Variants in HCN2 observed in about 807,000 individuals in gnomAD.
The protein encoded by HCN2 is potassium/sodium hyperpolarization-activated cyclic nucleotide-gated channel 2.
HCN2 carries 20 observed loss-of-function variants against 52.3 expected under a neutral mutation model. That is an observed-to-expected ratio of 0.38 (90% CI 0.27 to 0.56). HCN2 has a LOEUF of 0.56. Ranked by LOEUF, HCN2 falls within the 20% of genes least tolerant of loss-of-function variation. The probability of loss-of-function intolerance (pLI) is 0.71; values close to 1 mark genes in which losing one functional copy is unlikely to be tolerated. For synonymous variants in HCN2, 694 were observed against 537.0 expected, an observed-to-expected ratio of 1.29 and a Z score of -4.04; for missense variants, 981 against 1,207.7, an observed-to-expected ratio of 0.81 and a Z score of 2.78.
At chr19:615,082 C>T (rs1425506409) in intron 7 of HCN2, among the ~76,000 whole-genome samples, 3 of 151,978 alleles carry the variant, frequency 2.0e-5, no homozygotes, top group Non-Finnish European at 4.4e-5. Flanking sequence ...TCAGCACAGG[C>T]TGTGTACAGG....
rs1334751311 is a variant in HCN2, at chr19:590,405, G to C, written c.460G>C (p.Glu154Gln). 7.4e-7 allele frequency: 1 copy of C among 1,348,432 alleles called. No individual in the cohort carries two copies. Among genetic ancestry groups the C allele is most frequent in the Admixed American group, 2.5e-5 (1 of 39,704 alleles). 83.5% of individuals were successfully genotyped at this position (1,348,432 alleles called of 1,614,324 possible). ...AGSEEAGPAG[E>Q]PRGSQASFMQ... ...CAGCGAGGAGGCGGGCCCGGCGGGG[G>C]AGCCGCGCGGCAGCCAGGCCAGCTT... Residue 154 changes from glutamate to glutamine, a missense_variant, in exon 1 of 8, where the codon GAG becomes CAG. Glu to Gln is a conservative substitution (Grantham distance 29). Around this residue, in one of 6 missense-constraint regions of HCN2, gnomAD observed 215 missense variants for 179.4 expected, o/e 1.20. Coordinates refer to ENST00000251287, the MANE Select transcript of HCN2 (RefSeq NM_001194.4). This position sits in a 1 kb window ranked among gnomAD's most constrained non-coding sequence, Gnocchi z 7.2.
At chr19:613,539 C>A in intron 6 of HCN2, 51 bp downstream of exon 6, 1 of 1,079,758 alleles carries the variant, frequency 9.3e-7, no homozygotes, top group South Asian at 1.3e-5. Flanking sequence ...GCGACCCCCG[C>A]GGTGTGCAGA....
chr19:614,967 T>C (rs11669519), intron 7 of HCN2, among the ~76,000 whole-genome samples: 54,980 of 151,940 alleles, frequency 0.36, 10,155 homozygotes, highest in African/African-American at 0.42. Flanking sequence ...GGGAGCTCCC[T>C]GGTGTACAGT....
chr19:613,169 T>A, intron 5 of HCN2, 79 bp from the exon 6 acceptor site: 1 of 1,502,090 alleles, frequency 6.7e-7, no homozygotes, highest in Non-Finnish European at 8.9e-7. Flanking sequence ...GTCCGAGAGG[T>A]GAGCCGGTCC....
chr19:597,920 G>A (rs888897454), intron 1 of HCN2, among the ~76,000 whole-genome samples: 2 of 152,228 alleles, frequency 1.3e-5, no homozygotes, highest in Non-Finnish European at 2.9e-5. Context: ...AGCCCCCTGG[G>A]AGTTTCTCCT....
In HCN2 at chr19:608,125, C is replaced by A. The variant is rs1359555562; in HGVS notation, c.1380C>A (p.Gly460=). The change falls in exon 4 of 8, where the codon GGC becomes GGA. Residue 460 remains glycine (G), a synonymous_variant. Transcript: ENST00000251287. ...VGATCYAMFI[G]HATALIQSLD... ...CCACCTGCTACGCCATGTTCATCGG[C>A]CACGCCACTGCCCTCATCCAGTCGC... The A allele has an allele frequency of 1.9e-5, 30 of 1,613,330 alleles. No homozygotes were observed. The highest frequency in any genetic ancestry group is 2.5e-5 in the Non-Finnish European group (29 of 1,180,016).
intron 6 of HCN2, 66 bp downstream of exon 6, chr19:613,554 G>T (rs1983739389): frequency 1.1e-6 from 1 of 912,652 alleles, no homozygotes; most frequent in Non-Finnish European, 1.5e-6. Flanking sequence ...TGCAGAGCCA[G>T]GGGGCCGGGG....
chr19:599,508 G>A (rs1044553356), intron 1 of HCN2, among the ~76,000 whole-genome samples: 4 of 152,112 alleles, frequency 2.6e-5, no homozygotes, highest in African/African-American at 9.7e-5. Context: ...GGCCGGGCGC[G>A]GTGGCTCACG....
chr19:616,946 C>T lies in HCN2; in HGVS notation c.*472C>T. The T allele has an allele frequency of 2.4e-6, 1 of 411,470 alleles. No individual in the cohort carries two copies. The highest frequency in any genetic ancestry group is 2.3e-5 in the South Asian group (1 of 43,954). 25.5% of individuals were successfully genotyped at this position (411,470 alleles called of 1,614,324 possible). A position where few individuals can be genotyped will look rare whatever the true frequency, so the allele number is the denominator to read the frequency against. ...GGCCCGGCCCCCGTCCGCGCGCGTC[C>T]CCCGGTGACCTCGGGGAGCAGCACC... On this transcript the variant is annotated 3_prime_UTR_variant, in exon 8 of 8. Transcript: ENST00000251287.
Position 599,528 on chromosome 19 carries a change from C to G in HCN2, c.633-4016C>G, listed in dbSNP as rs566024292. ...GGCGCGGTGGCTCACGCCTGTAATC[C>G]CAGCACTTTAGGAGGCCAAGGCGGG... On this transcript the variant is annotated intron_variant, in intron 1 of 7. Transcript: ENST00000251287. 2.8e-4 allele frequency among the ~76,000 whole-genome samples: 42 copies of G among 152,072 alleles called. No individual in the cohort carries two copies. In the South Asian group the frequency reaches 7.5e-3, roughly 27 times the overall value.
At chr19:602,987 T>C (rs7246520) in intron 1 of HCN2, among the ~76,000 whole-genome samples, 10,303 of 75,902 alleles carry the variant, frequency 0.14, 434 homozygotes, top group Admixed American at 0.19. Context: ...GGCACCCTCG[T>C]CCCCCAGGGA....
rs1982855904 is a variant in HCN2 at position 591,004 on chromosome 19, C to T, written c.632+427C>T. 6.6e-6 allele frequency: 1 copy of T among 152,436 alleles called. No individual in the cohort carries two copies. Among genetic ancestry groups the T allele is most frequent in the South Asian group, 2.1e-4 (1 of 4,832 alleles). The allele number at this position is 152,436 out of a possible 1,614,324, so 9.4% of individuals were successfully genotyped here. A position where few individuals can be genotyped will look rare whatever the true frequency, so the allele number is the denominator to read the frequency against. ...CCGGGGGAGAGGGGGTTAAGCGGCT[C>T]CCACGGCGTCCACCCGCGCCCCGCC... On this transcript the variant is annotated intron_variant, in intron 1 of 7. Transcript: ENST00000251287. This position sits in a 1 kb window ranked among gnomAD's most constrained non-coding sequence, Gnocchi z 4.1.
At chr19:608,345 G>A (rs1318266821) in intron 4 of HCN2, among the ~76,000 whole-genome samples, 163 bp downstream of exon 4, 4 of 138,786 alleles carry the variant, frequency 2.9e-5, no homozygotes, top group Admixed American at 2.4e-4. Context: ...GTCTGAGGGC[G>A]GAGGTAGTCC....
intron 5 of HCN2, 41 bp downstream of exon 5, chr19:610,446 C>T (rs373748856): frequency 2.5e-6 from 4 of 1,581,758 alleles, no homozygotes; most frequent in African/African-American, 2.7e-5. Flanking sequence ...GCCTCCGGTA[C>T]AGGGCCGGCC....
chr19:591,666 C>T lies in HCN2; in HGVS notation c.632+1089C>T, dbSNP rs1417239504. On this transcript the variant is annotated intron_variant, in intron 1 of 7. Transcript: ENST00000251287. This position sits in a 1 kb window ranked among gnomAD's most constrained non-coding sequence, Gnocchi z 4.1. ...CGAGGCCGGGCGCGCGGGACGGGCG[C>T]GGTTTCAGCACCACGGACAGCGCGC... Among the ~76,000 whole-genome samples, 2 of 152,026 alleles carry T rather than the reference C, an allele frequency of 1.3e-5. 1 individual carries two copies. The highest frequency in any genetic ancestry group is 2.9e-5 in the Non-Finnish European group (2 of 67,954).
chr19:615,764 T>C, intron 7 of HCN2, 31 bp from the exon 8 acceptor site: 1 of 1,605,922 alleles, frequency 6.2e-7, no homozygotes, highest in Non-Finnish European at 8.5e-7. Context: ...AGGCGCTCCC[T>C]GTGCACACGC....
In HCN2 at chr19:597,711, T is replaced by TTCCTGGTGGTTTCTAGGTCC. The variant is rs772150912; in HGVS notation, c.633-5792_633-5773dup. Reference sequence around the variant, plus strand: ...AGGTCTCCTTGGTGGTTTCTAGGTCTTCCTGGTGGTTTCTAGGTCCTCCTG... The same window carrying TTCCTGGTGGTTTCTAGGTCC: ...AGGTCTCCTTGGTGGTTTCTAGGTCTTCCTGGTGGTTTCTAGGTCCTCCTGGTGGTTTCTAGGTCCTCCTG... On this transcript the variant is annotated intron_variant, in intron 1 of 7. Transcript: ENST00000251287. Among the ~76,000 whole-genome samples the TTCCTGGTGGTTTCTAGGTCC allele has an allele frequency of 4.2e-4, 57 of 135,672 alleles. 1 individual carries two copies. Among genetic ancestry groups the TTCCTGGTGGTTTCTAGGTCC allele is most frequent in the Admixed American group, 9.2e-4 (12 of 12,996 alleles). The allele number at this position is 135,672 out of a possible 152,430, so 89.0% of individuals were successfully genotyped here.
chr19:610,321 C>A lies in HCN2; in HGVS notation c.1500C>A (p.Ile500=). 1.2e-6 allele frequency: 2 copies of A among 1,613,852 alleles called. No individual in the cohort carries two copies. Among genetic ancestry groups the A allele is most frequent in the Non-Finnish European group, 1.7e-6 (2 of 1,179,820 alleles). The part of the protein sequence containing the change: ...HKLPADFRQK[I]HDYYEHRYQG... ...TGCCAGCTGACTTCCGCCAGAAGAT[C>A]CACGACTACTATGAGCACCGTTACC... The change falls in exon 5 of 8, where the codon ATC becomes ATA. Residue 500 remains isoleucine (I), a synonymous_variant. Transcript: ENST00000251287.
chr19:603,889 G>T lies in HCN2; in HGVS notation c.978G>T (p.Val326=). The change falls in exon 2 of 8, where the codon GTG becomes GTT. Residue 326 remains valine, a synonymous_variant. Coordinates refer to ENST00000251287, the MANE Select transcript of HCN2 (RefSeq NM_001194.4). ...VYKTARALRI[V]RFTKILSLLR... is the part of the protein sequence containing the mutation. Reference sequence around the variant, plus strand: ...AGACGGCACGCGCCCTGCGCATCGTGCGCTTCACCAAGATCCTCAGCCTCC... The same window carrying T: ...AGACGGCACGCGCCCTGCGCATCGTTCGCTTCACCAAGATCCTCAGCCTCC... 1 of 1,612,340 alleles carries T rather than the reference G, an allele frequency of 6.2e-7. No individual in the cohort carries two copies. Among genetic ancestry groups the T allele is most frequent in the Non-Finnish European group, 8.5e-7 (1 of 1,179,806 alleles).
Sources: allele counts gnomAD v4.1 joint callset (sites outside exome capture counted in the v4.1 genomes callset), GRCh38; gene constraint gnomAD v4.1.1; regional missense constraint gnomAD v4.1.1; non-coding constraint Gnocchi (gnomAD v3.1); transcripts MANE v1.5; gene names NCBI Gene and HGNC (gene_info 2026-07-23, HGNC 2026-07-21).